Variants in SCN8A observed in about 807,000 individuals in gnomAD.
The protein encoded by SCN8A is sodium voltage-gated channel alpha subunit 8.
Under a neutral mutation model 184.1 loss-of-function variants are expected in SCN8A, and 30 were observed. That is an observed-to-expected ratio of 0.16 (90% CI 0.12 to 0.22). The LOEUF (loss-of-function observed/expected upper bound fraction) is 0.22, where lower values mean the gene tolerates loss of function less well. Ranked by LOEUF, SCN8A falls within the 10% of genes least tolerant of loss-of-function variation. The pLI, the probability that SCN8A is intolerant of heterozygous loss-of-function variation, is 1.00. For missense variants in SCN8A, 1,057 were observed against 2,498.9 expected (o/e 0.42, Z 12.30); for synonymous variants, 852 against 907.0 (o/e 0.94, Z 1.09).
At chr12:51,699,549 C>A (rs1210658126) in intron 6 of SCN8A, 21 bp from the exon 7 acceptor site, 2 of 1,589,662 alleles carry the variant, frequency 1.3e-6, no homozygotes, top group Admixed American at 1.7e-5. Context: ...GCCTCTGATT[C>A]CGGGGATTCT....
At chr12:51,739,646 C>G (rs1375787531) in intron 12 of SCN8A, among the ~76,000 whole-genome samples, 1 of 152,164 alleles carries the variant, frequency 6.6e-6, no homozygotes, top group Non-Finnish European at 1.5e-5. Flanking sequence ...TCTTACTCAC[C>G]ATGGGGACTG....
intron 19 of SCN8A, among the ~76,000 whole-genome samples, chr12:51,772,985 CAT>C (rs1286850822): frequency 1.4e-3 from 217 of 152,158 alleles, no homozygotes; most frequent in African/African-American, 5.1e-3. Flanking sequence ...GGTGTGGTGG[CAT>C]GTGCCTGTAG....
intron 21 of SCN8A, among the ~76,000 whole-genome samples, chr12:51,784,619 A>T (rs2138900318): frequency 6.6e-6 from 1 of 152,306 alleles, no homozygotes; most frequent in Non-Finnish European, 1.5e-5. Context: ...CATCTTATAA[A>T]ACTTTGGATT....
chr12:51,768,865 G>C lies in SCN8A; in HGVS notation c.2902G>C (p.Val968Leu). The part of the protein sequence containing the change: ...MMVMVIGNLV[V>L]LNLFLALLLS... ...CTTTTTTCCAATGCTACTGGCATAG[G>C]TGCTGAACCTGTTTCTGGCCTTGCT... Residue 968 changes from valine (V) to leucine (L), a missense_variant and splice_region_variant, in exon 17 of 27, where the codon GTG (valine) becomes CTG (leucine). By Grantham distance (32) the Val-to-Leu change is conservative (BLOSUM62 1). This residue lies in a region of SCN8A where 66 missense variants were observed against 310.6 expected (regional missense o/e 0.21). Coordinates refer to ENST00000627620, the MANE Select transcript of SCN8A (RefSeq NM_001330260.2). The C allele has an allele frequency of 6.4e-7, 1 of 1,554,084 alleles. No homozygotes were observed. Among genetic ancestry groups the C allele is most frequent in the Non-Finnish European group, 8.7e-7 (1 of 1,148,052 alleles).
chr12:51,600,107 G>A (rs368607948), intron 1 of SCN8A, among the ~76,000 whole-genome samples: 1 of 152,088 alleles, frequency 6.6e-6, no homozygotes, highest in African/African-American at 2.4e-5. Context: ...GTTATTTCTT[G>A]TAGGAAAACT....
chr12:51,678,779 A>T (rs532216668), intron 2 of SCN8A, among the ~76,000 whole-genome samples: 1 of 152,324 alleles, frequency 6.6e-6, no homozygotes, highest in Admixed American at 6.5e-5. Flanking sequence ...GTGTTTTTTA[A>T]AAAGCTACTC....
Position 51,751,479 on chromosome 12 carries a change from C to A in SCN8A, c.2256C>A (p.Asp752Glu), listed in dbSNP as rs1942594393. The A allele has an allele frequency of 1.2e-6, 2 of 1,613,866 alleles. No homozygotes were observed. The highest frequency in any genetic ancestry group is 1.7e-6 in the Non-Finnish European group (2 of 1,179,818). ...AGATTGTGAACTTGATAGTTATGGACCCTTTTGTGGATTTAGCCATCACCA... is the reference window on the plus strand; with the variant it reads ...AGATTGTGAACTTGATAGTTATGGAACCTTTTGTGGATTTAGCCATCACCA... ...LKEIVNLIVM[D>E]PFVDLAITIC... is the part of the protein sequence containing the mutation. The change falls in exon 14 of 27, where the codon GAC (aspartate) becomes GAA (glutamate). Residue 752 changes from aspartate to glutamate, a missense_variant. Physicochemically the swap from Asp to Glu is conservative, Grantham distance 45. This residue lies in a region of SCN8A where 66 missense variants were observed against 310.6 expected (regional missense o/e 0.21). Coordinates refer to ENST00000627620, the MANE Select transcript of SCN8A (RefSeq NM_001330260.2).
chr12:51,597,207 G>A (rs956536209), intron 1 of SCN8A, among the ~76,000 whole-genome samples: 10 of 152,138 alleles, frequency 6.6e-5, no homozygotes, highest in Admixed American at 2.0e-4. Context: ...GTTGATTGGG[G>A]TGGGTTGACT....
chr12:51,788,605 C>A, intron 22 of SCN8A, 90 bp from the exon 23 acceptor site: 1 of 955,952 alleles, frequency 1.0e-6, no homozygotes, highest in Non-Finnish European at 1.5e-6. Flanking sequence ...TGTGTTCTCA[C>A]TGAACCTAAG....
intron 1 of SCN8A, among the ~76,000 whole-genome samples, chr12:51,659,360 C>T (rs1449926496): frequency 6.6e-6 from 1 of 152,166 alleles, no homozygotes; most frequent in Non-Finnish European, 1.5e-5. Context: ...AGTAAATTTT[C>T]TACATCTTGA....
intron 19 of SCN8A, among the ~76,000 whole-genome samples, chr12:51,771,299 G>C (rs1315709250): frequency 6.6e-6 from 1 of 152,156 alleles, no homozygotes; most frequent in Non-Finnish European, 1.5e-5. Context: ...TGGTTGAATA[G>C]TTTTGAGGAC....
intron 22 of SCN8A, among the ~76,000 whole-genome samples, chr12:51,788,058 G>T (rs1026790190): frequency 1.4e-4 from 21 of 152,056 alleles, no homozygotes; most frequent in African/African-American, 5.1e-4. Flanking sequence ...CTTAGAATCT[G>T]GTTGAGTACA....
At chr12:51,777,337 G>A (rs1299016100) in intron 20 of SCN8A, among the ~76,000 whole-genome samples, 1 of 151,682 alleles carries the variant, frequency 6.6e-6, no homozygotes, top group Admixed American at 6.6e-5. Context: ...ATGGCTCACT[G>A]CAGCCTCCAA....
rs576224341 is a variant in SCN8A at position 51,727,417 on chromosome 12, A to C, written c.1998+5509A>C. On this transcript the variant is annotated intron_variant, in intron 12 of 26. Coordinates refer to ENST00000627620, the MANE Select transcript of SCN8A (RefSeq NM_001330260.2). ...TATACACCTCCATTTGCAAAAAAAA[A>C]CCAAAAAACACTGAAAAGATAGAGA... 2.2e-4 allele frequency among the ~76,000 whole-genome samples: 34 copies of C among 151,956 alleles called. No individual in the cohort carries two copies. In the South Asian group the frequency reaches 3.5e-3, roughly 16 times the overall value.
chr12:51,747,235 C>T (rs1315529389), intron 13 of SCN8A, among the ~76,000 whole-genome samples: 1 of 151,970 alleles, frequency 6.6e-6, no homozygotes, highest in Non-Finnish European at 1.5e-5. Context: ...ACTAGACTGA[C>T]CTTGAGAATA....
intron 1 of SCN8A, among the ~76,000 whole-genome samples, chr12:51,646,161 A>G (rs1592352197): frequency 1.3e-5 from 2 of 152,214 alleles, no homozygotes; most frequent in East Asian, 1.9e-4. Flanking sequence ...TATCAGAATT[A>G]TATCTTAAAA....
chr12:51,778,226 ACAC>A (rs1197418590), intron 20 of SCN8A, among the ~76,000 whole-genome samples: 1 of 152,146 alleles, frequency 6.6e-6, no homozygotes, highest in Non-Finnish European at 1.5e-5. Context: ...GAAGATAACT[ACAC>A]TGGTGGATTA....
At chr12:51,743,707 G>T (rs774047949) in intron 12 of SCN8A, among the ~76,000 whole-genome samples, 3 of 152,192 alleles carry the variant, frequency 2.0e-5, no homozygotes, top group Admixed American at 1.3e-4. Flanking sequence ...GGGCCCTAGG[G>T]CTCTATAGTC....
At chr12:51,641,269 T>A (rs1940448817) in intron 1 of SCN8A, among the ~76,000 whole-genome samples, 1 of 152,210 alleles carries the variant, frequency 6.6e-6, no homozygotes, top group South Asian at 2.1e-4. Flanking sequence ...CATAAGAGAC[T>A]TGAGCATCTG....
Sources: gnomAD v4.1 joint callset for allele counts (sites outside exome capture counted in the v4.1 genomes callset) on GRCh38, gnomAD v4.1.1 for gene constraint, gnomAD v4.1.1 regional missense constraint, MANE v1.5 for transcripts, NCBI Gene and HGNC (gene_info 2026-07-23, HGNC 2026-07-21) for gene names.